The following SNX6 variants were observed in gnomAD, a reference collection of about 807,000 sequenced individuals.
The protein encoded by SNX6 is sorting nexin 6, also known as sorting nexin-6.
In SNX6, 34 loss-of-function variants were observed where a neutral mutation model predicts 63.0. The observed-to-expected ratio is 0.54, with a 90% CI of 0.41 to 0.72. The LOEUF is 0.72. Among genes scored for constraint, SNX6 ranks in the 30% least tolerant of loss-of-function variants. SNX6 has a pLI of 0.00. For missense variants in SNX6, 398 were observed against 471.4 expected (o/e 0.84, Z 1.44); for synonymous variants, 170 against 164.2 (o/e 1.04, Z -0.27).
chr14:34,610,712 ACTT>A (rs763763013), intron 2 of SNX6, among the ~76,000 whole-genome samples: 36 of 152,226 alleles, frequency 2.4e-4, no homozygotes, highest in Admixed American at 3.9e-4. Flanking sequence ...TAATTTTTAA[ACTT>A]CATCTGTTTT....
chr14:34,618,366 G>T (rs1248733011), intron 2 of SNX6, among the ~76,000 whole-genome samples: 1 of 151,716 alleles, frequency 6.6e-6, no homozygotes, highest in Admixed American at 6.6e-5. Context: ...TTTTGGGGAG[G>T]GGGGGATGGA....
intron 6 of SNX6, among the ~76,000 whole-genome samples, chr14:34,603,091 C>A (rs564785003): frequency 1.3e-5 from 2 of 150,946 alleles, no homozygotes; most frequent in East Asian, 3.9e-4. Context: ...TTCTGGCTAA[C>A]ACGGTGAAAC....
chr14:34,598,929 G>A (rs1469268779), intron 6 of SNX6, among the ~76,000 whole-genome samples: 1 of 152,128 alleles, frequency 6.6e-6, no homozygotes, highest in African/African-American at 2.4e-5. Flanking sequence ...AAGTGATTAG[G>A]TCATGAGGGT....
intron 13 of SNX6, among the ~76,000 whole-genome samples, 157 bp from the exon 14 acceptor site, chr14:34,563,332 G>C (rs1198958292): frequency 1.3e-5 from 2 of 152,172 alleles, no homozygotes; most frequent in African/African-American, 4.8e-5. Context: ...GCCGAGGCGG[G>C]TGGATCACGA....
chr14:34,563,100 T>TA lies in SNX6; in HGVS notation c.*21dup. On this transcript the variant is annotated 3_prime_UTR_variant, in exon 14 of 14. Transcript: ENST00000362031. Reference sequence around the variant, plus strand: ...AAATTTGAAGGAAGGCAGCCCTTTTTAACAGGAAGGCGGAGTGTGGCTTAT... The same window carrying TA: ...AAATTTGAAGGAAGGCAGCCCTTTTTAAACAGGAAGGCGGAGTGTGGCTTAT... The TA allele has an allele frequency of 9.9e-6, 16 of 1,612,414 alleles. No homozygotes were observed. The highest frequency in any genetic ancestry group is 1.4e-5 in the Non-Finnish European group (16 of 1,178,812).
intron 3 of SNX6, 52 bp downstream of exon 3, chr14:34,609,584 CAT>C: frequency 9.5e-7 from 1 of 1,052,184 alleles, no homozygotes; most frequent in Non-Finnish European, 1.4e-6. Flanking sequence ...CAACATATCA[CAT>C]ATGTAGTATA....
At chr14:34,570,045 T>C (rs549474548) in intron 11 of SNX6, among the ~76,000 whole-genome samples, 2 of 151,818 alleles carry the variant, frequency 1.3e-5, no homozygotes, top group South Asian at 4.2e-4. Flanking sequence ...TGCCAACACT[T>C]ATTTTGTTTT....
chr14:34,572,474 A>G (rs917141591), intron 11 of SNX6, among the ~76,000 whole-genome samples: 2 of 152,174 alleles, frequency 1.3e-5, no homozygotes, highest in African/African-American at 4.8e-5. Flanking sequence ...TAAATAGTTT[A>G]TAAGATATAA....
intron 13 of SNX6, among the ~76,000 whole-genome samples, chr14:34,566,629 T>C (rs978801837): frequency 6.6e-6 from 1 of 152,244 alleles, no homozygotes; most frequent in African/African-American, 2.4e-5. Context: ...GGAGACGTTA[T>C]AGATATTATT....
At chr14:34,624,489 AC>A (rs1293483215) in intron 2 of SNX6, among the ~76,000 whole-genome samples, 1 of 152,168 alleles carries the variant, frequency 6.6e-6, no homozygotes, top group Admixed American at 6.6e-5. Flanking sequence ...TTATTTTAAA[AC>A]ACTGACTTTA....
At chr14:34,606,602 G>A (rs1028931664) in intron 4 of SNX6, among the ~76,000 whole-genome samples, 3 of 151,908 alleles carry the variant, frequency 2.0e-5, no homozygotes, top group Non-Finnish European at 1.5e-5. Context: ...ACAGGCATGT[G>A]CCACCATGCC....
Position 34,605,595 on chromosome 14 carries a change from C to G in SNX6, c.392+1G>C. 6.4e-7 allele frequency: 1 copy of G among 1,563,172 alleles called. No homozygotes were observed. The highest frequency in any genetic ancestry group is 8.6e-7 in the Non-Finnish European group (1 of 1,161,988). ...AACAAAAAAATAAAAAAATCACTTA[C>G]GCTTCCAGTTCCTGTTTCATCTTTG... On this transcript the variant is annotated splice_donor_variant, in intron 5 of 13. Coordinates refer to ENST00000362031, the MANE Select transcript of SNX6 (RefSeq NM_152233.4). LOFTEE classifies it high-confidence loss of function.
chr14:34,608,594 G>C (rs1297241035), intron 3 of SNX6, among the ~76,000 whole-genome samples: 1 of 152,180 alleles, frequency 6.6e-6, no homozygotes. Flanking sequence ...TGTTGGGAAA[G>C]TAAGTTGACA....
intron 3 of SNX6, among the ~76,000 whole-genome samples, 153 bp downstream of exon 3, chr14:34,609,480 CAAAAA>C (rs398024759): frequency 2.3e-4 from 15 of 65,028 alleles, no homozygotes; most frequent in Non-Finnish European, 2.8e-4. Flanking sequence ...GACTCCGTCT[CAAAAA>C]AAAAAAAAAA....
intron 5 of SNX6, 117 bp from the exon 6 acceptor site, chr14:34,603,588 A>T: frequency 1.2e-6 from 1 of 813,264 alleles, no homozygotes; most frequent in Non-Finnish European, 1.8e-6. Context: ...AGAGATACAA[A>T]GATATAATTC....
intron 11 of SNX6, among the ~76,000 whole-genome samples, chr14:34,573,702 G>A (rs1193160425): frequency 4.0e-5 from 6 of 151,646 alleles, no homozygotes; most frequent in South Asian, 2.1e-4. Flanking sequence ...GCAATGGCGC[G>A]GTCTCGGCTC....
chr14:34,567,957 T>G lies in SNX6; in HGVS notation c.978A>C (p.Ala326=). The G allele has an allele frequency of 6.2e-7, 1 of 1,612,638 alleles. No individual in the cohort carries two copies. The highest frequency in any genetic ancestry group is 8.5e-7 in the Non-Finnish European group (1 of 1,179,968). Reference sequence around the variant, plus strand: ...TATTTTTTGCTCTTGCTTTATCCAGTGCTTTATTAGCATTTTCATAATCCA... The same window carrying G: ...TATTTTTTGCTCTTGCTTTATCCAGGGCTTTATTAGCATTTTCATAATCCA... ...SLVDYENANK[A]LDKARAKNKD... is the part of the protein sequence containing the mutation. Residue 326 remains alanine (A), a synonymous_variant, in exon 12 of 14, where the codon GCA becomes GCC. Transcript: ENST00000362031.
At chr14:34,588,209 G>A (rs1009574033) in intron 8 of SNX6, among the ~76,000 whole-genome samples, 14 of 152,036 alleles carry the variant, frequency 9.2e-5, no homozygotes, top group African/African-American at 2.9e-4. Flanking sequence ...GGGTTTCACC[G>A]TGCTAGCCAG....
In SNX6 at chr14:34,563,073, T is replaced by C. The variant is rs191865333; in HGVS notation, c.*49A>G. The C allele has an allele frequency of 3.9e-3, 6,053 of 1,571,838 alleles. 33 individuals carry two copies. The highest frequency in any genetic ancestry group is 0.012 in the Middle Eastern group (72 of 5,968). ...CTTAACATCATTAAGAAAACAAAAA[T>C]AAAATTTGAAGGAAGGCAGCCCTTT... On this transcript the variant is annotated 3_prime_UTR_variant, in exon 14 of 14. Transcript: ENST00000362031.
Sources: gnomAD v4.1 joint callset for allele counts (sites outside exome capture counted in the v4.1 genomes callset) on GRCh38, gnomAD v4.1.1 for gene constraint, MANE v1.5 for transcripts, NCBI Gene and HGNC (gene_info 2026-07-23, HGNC 2026-07-21) for gene names.